TRIM14: variants seen among roughly 807,000 people sequenced by gnomAD.
TRIM14 encodes the protein tripartite motif containing 14.
A neutral mutation model predicts 44.5 loss-of-function variants in TRIM14; 28 were observed. That is an observed-to-expected ratio of 0.63 (90% CI 0.47 to 0.86). The LOEUF is 0.86. TRIM14 is among the 40% of genes least tolerant of loss of function. TRIM14 has a pLI of 0.00. For synonymous variants in TRIM14, 299 were observed against 269.2 expected, an observed-to-expected ratio of 1.11 and a Z score of -1.08; for missense variants, 607 against 611.1, an observed-to-expected ratio of 0.99 and a Z score of 0.07.
At chr9:98,037,690 T>C in the TRIM14 span, among the ~76,000 whole-genome samples, 3 of 152,088 alleles carry the variant, frequency 2.0e-5, no homozygotes, top group Non-Finnish European at 4.4e-5. Flanking sequence ...GAAGAAGTTT[T>C]CTAGGAGCCA....
At chr9:98,091,784 A>AAAAT (rs10623512) in intron 5 of TRIM14, 125 bp downstream of exon 5, 203,666 of 466,066 alleles carry the variant, frequency 0.44, 51,429 homozygotes, top group African/African-American at 0.85. Context: ...ACAAGTTCTT[A>AAAAT]AAATAAATAA....
Position 98,092,012 on chromosome 9 carries a change from T to C in TRIM14, c.701-11A>G. The C allele has an allele frequency of 1.9e-6, 3 of 1,599,072 alleles. No individual in the cohort carries two copies. Among genetic ancestry groups the C allele is most frequent in the Admixed American group, 3.4e-5 (2 of 58,586 alleles). On this transcript the variant is annotated splice_polypyrimidine_tract_variant and intron_variant, in intron 4 of 5. Coordinates refer to ENST00000341469, the MANE Select transcript of TRIM14 (RefSeq NM_014788.4). ...GCTGGCAGTTTATGCCTGTAAGGAA[T>C]TGTTGAGAAATGAGCGCCCGGAGCT...
chr9:98,087,595 G>C lies in TRIM14; in HGVS notation c.1204C>G (p.Leu402Val). ...GVFLDYEAGV[L>V]AFYDVTGGMS... ...CCGCCCGTCACGTCGTAGAAGGCGA[G>C]GACGCCGGCCTCGTAGTCCAGGAAG... is the stretch of plus-strand genomic sequence containing the variant. Residue 402 changes from leucine (L) to valine (V), a missense_variant, in exon 6 of 6, where the codon CTC becomes GTC. Leu to Val is a conservative substitution (Grantham distance 32). Around this residue, in one of 3 missense-constraint regions of TRIM14, gnomAD observed 356 missense variants for 323.0 expected, o/e 1.10. Transcript: ENST00000341469. 2 of 1,599,788 alleles carry C rather than the reference G, an allele frequency of 1.3e-6. No homozygotes were observed. Among genetic ancestry groups the C allele is most frequent in the African/African-American group, 1.3e-5 (1 of 74,896 alleles).
chr9:98,104,855 C>T (rs763425974), intron 2 of TRIM14, among the ~76,000 whole-genome samples: 53 of 152,278 alleles, frequency 3.5e-4, no homozygotes, highest in African/African-American at 9.1e-4. Flanking sequence ...GAAAGGAGGG[C>T]GCTGTTTTGC....
rs561441545 is a variant in TRIM14, at chr9:98,078,055, C to T, written c.*29-8368G>A. 1.6e-3 allele frequency: 2,126 copies of T among 1,301,832 alleles called. 9 individuals are homozygous for T. The highest frequency in any genetic ancestry group is 2.2e-3 in the Non-Finnish European group (2,044 of 950,548). The allele number at this position is 1,301,832 out of a possible 1,614,324, so 80.6% of individuals were successfully genotyped here. Reference sequence around the variant, plus strand: ...AACCCAACAAGCTCCTCTCTGTTCCCCCACAGGGGCTGGCACAGTGTTTTA... The same window carrying T: ...AACCCAACAAGCTCCTCTCTGTTCCTCCACAGGGGCTGGCACAGTGTTTTA... On this transcript the variant is annotated intron_variant, in intron 6 of 6. Coordinates refer to the TRIM14 transcript ENST00000375098.
chr9:98,079,305 C>G (rs1282464224), intron 6 of TRIM14, among the ~76,000 whole-genome samples: 1 of 152,150 alleles, frequency 6.6e-6, no homozygotes, highest in Admixed American at 6.5e-5. Context: ...ATGTAATTAT[C>G]ATTAAAACTA....
intron 2 of TRIM14, among the ~76,000 whole-genome samples, chr9:98,108,081 C>CTTT (rs34246943): frequency 4.5e-5 from 6 of 133,568 alleles, no homozygotes; most frequent in Admixed American, 7.6e-5. Flanking sequence ...ACATACCATC[C>CTTT]TTTTTTTTTT....
the TRIM14 span, among the ~76,000 whole-genome samples, chr9:98,047,580 C>T: frequency 6.6e-6 from 1 of 152,018 alleles, no homozygotes; most frequent in African/African-American, 2.4e-5. Context: ...AGGCTCTGTT[C>T]TTTTCTGCAT....
chr9:98,087,782 C>G lies in TRIM14; in HGVS notation c.1017G>C (p.Ala339=), dbSNP rs1587942004. The part of the protein sequence containing the change: ...QEAGAGWWVG[A]AYASLRRRGA... ...CGCGGCGCCGAAGGGAGGCGTAGGC[C>G]GCGCCCACCCACCAGCCGGCGCCCG... Residue 339 remains alanine, a synonymous_variant, in exon 6 of 6, where the codon GCG becomes GCC. Transcript: ENST00000341469. 1 of 1,504,908 alleles carries G rather than the reference C, an allele frequency of 6.6e-7. No homozygotes were observed. 93.2% of individuals were successfully genotyped at this position (1,504,908 alleles called of 1,614,324 possible). A position where few individuals can be genotyped will look rare whatever the true frequency, so the allele number is the denominator to read the frequency against.
the TRIM14 span, among the ~76,000 whole-genome samples, chr9:98,058,852 C>T: frequency 6.6e-6 from 1 of 152,140 alleles, no homozygotes; most frequent in Non-Finnish European, 1.5e-5. Flanking sequence ...TTAGTCAGGT[C>T]AGTCTGGGCC....
At chr9:98,065,936 C>T (rs113350892), downstream of TRIM14, among the ~76,000 whole-genome samples, 989 of 152,268 alleles carry the variant, frequency 6.5e-3, 9 homozygotes, top group South Asian at 8.1e-3. Flanking sequence ...ACCTGCCCAG[C>T]CATGTGAAAC....
chr9:98,054,555 A>G, the TRIM14 span, among the ~76,000 whole-genome samples: 1 of 152,166 alleles, frequency 6.6e-6, no homozygotes, highest in Non-Finnish European at 1.5e-5. Context: ...GGGGCTACAA[A>G]CAGACACTGT....
At chr9:98,056,568 G>T in the TRIM14 span, among the ~76,000 whole-genome samples, 1 of 152,288 alleles carries the variant, frequency 6.6e-6, no homozygotes, top group African/African-American at 2.4e-5. Flanking sequence ...GGAGAGGGCC[G>T]CGGAGCTTCC....
chr9:98,040,214 T>C, the TRIM14 span, among the ~76,000 whole-genome samples: 1 of 152,154 alleles, frequency 6.6e-6, no homozygotes, highest in Non-Finnish European at 1.5e-5. Context: ...CTCAACTCTT[T>C]GGATTCCTCC....
chr9:98,046,282 A>G, the TRIM14 span, among the ~76,000 whole-genome samples: 1 of 152,164 alleles, frequency 6.6e-6, no homozygotes, highest in Non-Finnish European at 1.5e-5. Context: ...GGGCCCTGGA[A>G]GCAGCGAAGT....
At chr9:98,049,064 G>T in the TRIM14 span, among the ~76,000 whole-genome samples, 2 of 151,606 alleles carry the variant, frequency 1.3e-5, no homozygotes, top group Non-Finnish European at 2.9e-5. Flanking sequence ...TATTCTGGCC[G>T]GGAGCGGTGG....
rs376316638 is a variant in TRIM14, at chr9:98,091,997, T to C, written c.705A>G (p.Ile235Met). Residue 235 changes from isoleucine (I) to methionine (M), a missense_variant, in exon 5 of 6, where the codon ATA becomes ATG. By Grantham distance (10) the Ile-to-Met change is conservative. Around this residue, in one of 3 missense-constraint regions of TRIM14, gnomAD observed 356 missense variants for 323.0 expected, o/e 1.10. Transcript: ENST00000341469. ...TGGAAGGGTCTGAGAGCTGGCAGTT[T>C]ATGCCTGTAAGGAATTGTTGAGAAA... is the stretch of plus-strand genomic sequence containing the variant. ...TPLDIRLKES[I>M]NCQLSDPSST... is the part of the protein sequence containing the mutation. The C allele has an allele frequency of 5.0e-6, 8 of 1,606,944 alleles. No individual in the cohort carries two copies. The African/African-American group carries it at 9.4e-5, about 19-fold the overall frequency.
chr9:98,042,001 A>G, the TRIM14 span, among the ~76,000 whole-genome samples: 3 of 151,762 alleles, frequency 2.0e-5, no homozygotes, highest in Non-Finnish European at 4.4e-5. Context: ...TCTTTTAAAA[A>G]AAAGTTTTCC....
At chr9:98,115,323 C>A (rs1403214469) in intron 1 of TRIM14, among the ~76,000 whole-genome samples, 1 of 152,142 alleles carries the variant, frequency 6.6e-6, no homozygotes, top group African/African-American at 2.4e-5. Context: ...AATCTTGGCT[C>A]ACTGCAACCT....
Sources: gnomAD v4.1 joint callset for allele counts (sites outside exome capture counted in the v4.1 genomes callset) on GRCh38, gnomAD v4.1.1 for gene constraint, gnomAD v4.1.1 regional missense constraint, MANE v1.5 for transcripts, NCBI Gene and HGNC (gene_info 2026-07-23, HGNC 2026-07-21) for gene names.